The following LRMDA variants were observed in gnomAD, a reference collection of about 807,000 sequenced individuals.
LRMDA encodes leucine rich melanocyte differentiation associated, also known as leucine-rich melanocyte differentiation-associated protein.
LRMDA carries 18 observed loss-of-function variants against 29.8 expected under a neutral mutation model. The observed-to-expected ratio is 0.60, with a 90% CI of 0.42 to 0.90. LRMDA has a LOEUF of 0.90. Among genes scored for constraint, LRMDA ranks in the 40% least tolerant of loss-of-function variants. LRMDA has a pLI of 0.00. For missense variants in LRMDA, 273 were observed against 273.9 expected, an observed-to-expected ratio of 1.00 and a Z score of 0.02; for synonymous variants, 125 against 109.4, an observed-to-expected ratio of 1.14 and a Z score of -0.89.
At chr10:76,522,064 A>G (rs1488349296) in intron 6 of LRMDA, among the ~76,000 whole-genome samples, 1 of 152,188 alleles carries the variant, frequency 6.6e-6, no homozygotes, top group Non-Finnish European at 1.5e-5. Flanking sequence ...CAGCTCCAAA[A>G]ATAAACCCTT....
chr10:75,840,724 A>G (rs1038135643), intron 2 of LRMDA, among the ~76,000 whole-genome samples: 2 of 152,252 alleles, frequency 1.3e-5, no homozygotes, highest in African/African-American at 4.8e-5. Flanking sequence ...TGAACTATGA[A>G]GAATAACTTA....
At chr10:75,445,978 G>A (rs570747880) in intron 2 of LRMDA, among the ~76,000 whole-genome samples, 1 of 152,378 alleles carries the variant, frequency 6.6e-6, no homozygotes, top group East Asian at 1.9e-4. Context: ...TGGCCGGGAT[G>A]AGGGTAAAGG....
At chr10:76,040,951 C>T (rs995775397) in intron 3 of LRMDA, among the ~76,000 whole-genome samples, 2 of 152,166 alleles carry the variant, frequency 1.3e-5, no homozygotes, top group Non-Finnish European at 2.9e-5. Context: ...ACCACTCCAG[C>T]GAGTCAGAGG....
intron 2 of LRMDA, among the ~76,000 whole-genome samples, chr10:76,020,329 G>A (rs1171478950): frequency 1.3e-5 from 2 of 152,232 alleles, no homozygotes; most frequent in African/African-American, 2.4e-5. Context: ...GGAAGAAAGA[G>A]AGTGGGGATC....
chr10:76,300,051 C>G (rs1840461873), intron 5 of LRMDA, among the ~76,000 whole-genome samples: 1 of 152,140 alleles, frequency 6.6e-6, no homozygotes, highest in Non-Finnish European at 1.5e-5. Flanking sequence ...AAGATCTGTT[C>G]TTATCTCTTC....
At chr10:76,311,645 C>T (rs1053082323) in intron 5 of LRMDA, among the ~76,000 whole-genome samples, 3 of 152,082 alleles carry the variant, frequency 2.0e-5, no homozygotes, top group Non-Finnish European at 2.9e-5. Flanking sequence ...TTATATTTTC[C>T]AAAGCGGCTT....
At chr10:75,786,274 C>G (rs1288605329) in intron 2 of LRMDA, among the ~76,000 whole-genome samples, 1 of 152,144 alleles carries the variant, frequency 6.6e-6, no homozygotes, top group Admixed American at 6.5e-5. Flanking sequence ...GAGTCCATTC[C>G]TCAGCCTTTA....
chr10:76,032,828 A>G (rs1848172446), intron 2 of LRMDA, among the ~76,000 whole-genome samples: 2 of 152,124 alleles, frequency 1.3e-5, no homozygotes, highest in African/African-American at 2.4e-5. Context: ...TACCTCAGAC[A>G]TCGCACTACT....
At chr10:76,475,073 T>C (rs1298869921) in intron 6 of LRMDA, among the ~76,000 whole-genome samples, 4 of 151,686 alleles carry the variant, frequency 2.6e-5, no homozygotes, top group Admixed American at 2.6e-4. Context: ...GGGTAAACCT[T>C]GAAAACATTA....
rs549138286 is a variant in LRMDA, at chr10:76,018,764, C to T, written c.132-17244C>T. Among the ~76,000 whole-genome samples the T allele has an allele frequency of 1.2e-4, 19 of 152,084 alleles. No individual in the cohort carries two copies. In the South Asian group the frequency reaches 2.7e-3, roughly 22 times the overall value. On this transcript the variant is annotated intron_variant, in intron 2 of 6. Transcript: ENST00000611255. ...TGTATTTTTAGTAGAGACAGGGTTTCGCCATGTTGGCCAGGATGGTCTTGA... is the reference window on the plus strand; with the variant it reads ...TGTATTTTTAGTAGAGACAGGGTTTTGCCATGTTGGCCAGGATGGTCTTGA...
chr10:75,935,783 G>A (rs376604673), intron 2 of LRMDA, among the ~76,000 whole-genome samples: 4 of 152,170 alleles, frequency 2.6e-5, no homozygotes, highest in Admixed American at 6.5e-5. Flanking sequence ...CTGGGAAGCC[G>A]TCTGTCCACA....
At position 75,475,506 on chromosome 10, in the gene LRMDA, C is replaced by T. The variant is rs528407245; in HGVS notation, c.131+37012C>T. Among the ~76,000 whole-genome samples the T allele has an allele frequency of 1.4e-4, 22 of 152,316 alleles. No individual in the cohort carries two copies. The South Asian group carries it at 4.4e-3, about 30-fold the overall frequency. ...GAGATAATTGGATCACTGAGTCCTGCTCATTAGTCAAGTAAAGTAGTCTTT... is the reference window on the plus strand; with the variant it reads ...GAGATAATTGGATCACTGAGTCCTGTTCATTAGTCAAGTAAAGTAGTCTTT... On this transcript the variant is annotated intron_variant, in intron 2 of 6. Coordinates refer to ENST00000611255, the MANE Select transcript of LRMDA (RefSeq NM_001305581.2).
intron 2 of LRMDA, among the ~76,000 whole-genome samples, chr10:75,584,102 CTCTAA>C (rs1400067538): frequency 6.6e-6 from 1 of 152,188 alleles, no homozygotes; most frequent in East Asian, 1.9e-4. Context: ...TCAGACTTTA[CTCTAA>C]GACAATATGG....
At chr10:75,813,743 G>A (rs922594543) in intron 2 of LRMDA, among the ~76,000 whole-genome samples, 3 of 152,108 alleles carry the variant, frequency 2.0e-5, no homozygotes, top group African/African-American at 4.8e-5. Context: ...TTCCCTGATC[G>A]TGAACTCCCT....
intron 2 of LRMDA, among the ~76,000 whole-genome samples, chr10:75,981,985 A>T (rs978438596): frequency 1.3e-5 from 2 of 152,164 alleles, no homozygotes; most frequent in Admixed American, 6.5e-5. Context: ...TTTGCCCGAC[A>T]TAAAATCATG....
At chr10:76,052,077 C>A (rs1261149664) in intron 4 of LRMDA, among the ~76,000 whole-genome samples, 1 of 152,216 alleles carries the variant, frequency 6.6e-6, no homozygotes, top group African/African-American at 2.4e-5. Flanking sequence ...TCATCTATCC[C>A]ATCAAGCTTT....
chr10:76,380,870 T>A (rs1385565209), intron 6 of LRMDA, among the ~76,000 whole-genome samples: 1 of 151,810 alleles, frequency 6.6e-6, no homozygotes, highest in African/African-American at 2.4e-5. Flanking sequence ...AACAACCTAT[T>A]TTTATTTAAA....
chr10:75,749,625 CT>C (rs76643743), intron 2 of LRMDA, among the ~76,000 whole-genome samples: 351 of 128,642 alleles, frequency 2.7e-3, no homozygotes, highest in East Asian at 5.3e-3. Context: ...AATATAGAAA[CT>C]TTTTTTTTTT....
At position 75,891,486 on chromosome 10, in the gene LRMDA, G is replaced by T. The variant is rs950768943; in HGVS notation, c.132-144522G>T. 3.3e-5 allele frequency among the ~76,000 whole-genome samples: 5 copies of T among 152,290 alleles called. No individual in the cohort carries two copies. In the East Asian group the frequency reaches 9.7e-4, roughly 29 times the overall value. ...CAAAGCCTTGAGGCAGAAGCTTGCT[G>T]GTGACTTTGCAATTGGGTGAGAAGG... On this transcript the variant is annotated intron_variant, in intron 2 of 6. Coordinates refer to ENST00000611255, the MANE Select transcript of LRMDA (RefSeq NM_001305581.2).
Sources: allele counts gnomAD v4.1 joint callset (sites outside exome capture counted in the v4.1 genomes callset), GRCh38; gene constraint gnomAD v4.1.1; transcripts MANE v1.5; gene names NCBI Gene and HGNC (gene_info 2026-07-23, HGNC 2026-07-21).